The following TENM2 variants were observed in gnomAD, a reference collection of about 807,000 sequenced individuals.
TENM2 encodes the protein teneurin transmembrane protein 2, also known as teneurin-2.
In TENM2, 52 loss-of-function variants were observed where a neutral mutation model predicts 245.2. The observed-to-expected ratio is 0.21, with a 90% CI of 0.17 to 0.27. TENM2 has a LOEUF of 0.27. Among genes scored for constraint, TENM2 ranks in the 10% least tolerant of loss-of-function variants. The probability of loss-of-function intolerance (pLI) is 1.00; values close to 1 mark genes in which losing one functional copy is unlikely to be tolerated. For missense variants in TENM2, 3,046 were observed against 3,666.8 expected (o/e 0.83, Z 4.37); for synonymous variants, 1,363 against 1,438.9 (o/e 0.95, Z 1.19).
chr5:167,577,264 G>T (rs1221895022), intron 2 of TENM2, among the ~76,000 whole-genome samples: 1 of 152,192 alleles, frequency 6.6e-6, no homozygotes, highest in Admixed American at 6.5e-5. Flanking sequence ...AGAGGGGGAC[G>T]TAGGGTATTA....
chr5:167,635,886 C>T (rs1681571543), intron 2 of TENM2, among the ~76,000 whole-genome samples: 1 of 151,968 alleles, frequency 6.6e-6, no homozygotes, highest in Middle Eastern at 3.4e-3. Flanking sequence ...CCTCGTGATC[C>T]ACCCGCCTCG....
intron 12 of TENM2, 31 bp downstream of exon 14, chr5:168,126,997 G>T (rs753604146): frequency 2.6e-6 from 4 of 1,546,034 alleles, no homozygotes; most frequent in Non-Finnish European, 3.5e-6. Context: ...ATAAATTGTA[G>T]ATCTATAGTG....
chr5:167,330,124 C>T (rs187689288), intron 1 of TENM2, among the ~76,000 whole-genome samples: 1 of 152,202 alleles, frequency 6.6e-6, no homozygotes, highest in Admixed American at 6.5e-5. Context: ...AATGTTGTTT[C>T]CTTATAGTAT....
intron 2 of TENM2, among the ~76,000 whole-genome samples, chr5:167,385,223 C>A (rs1009161288): frequency 6.6e-6 from 1 of 152,100 alleles, no homozygotes; most frequent in Non-Finnish European, 1.5e-5. Flanking sequence ...AATATTATTT[C>A]TGCTTCTATA....
At chr5:167,270,759 T>C in the TENM2 span, among the ~76,000 whole-genome samples, 1 of 152,174 alleles carries the variant, frequency 6.6e-6, no homozygotes, top group African/African-American at 2.4e-5. Context: ...CCGTTTTCTC[T>C]GTCGTTTCTC....
At chr5:167,670,550 T>C (rs1463220468) in intron 2 of TENM2, among the ~76,000 whole-genome samples, 1 of 152,120 alleles carries the variant, frequency 6.6e-6, no homozygotes, top group Non-Finnish European at 1.5e-5. Flanking sequence ...GAAACAATCA[T>C]TCACAGACTT....
At chr5:168,171,084 A>G (rs971745968) in intron 13 of TENM2, among the ~76,000 whole-genome samples, 1 of 152,230 alleles carries the variant, frequency 6.6e-6, no homozygotes, top group South Asian at 2.1e-4. Flanking sequence ...GTCAAGGCAC[A>G]TTGTATCACT....
chr5:168,257,741 A>G lies in TENM2; in HGVS notation c.7433-2542A>G, dbSNP rs6877618. 9.3e-3 allele frequency among the ~76,000 whole-genome samples: 1,407 copies of G among 150,772 alleles called. 23 individuals are homozygous for G. The highest frequency in any genetic ancestry group is 0.033 in the African/African-American group (1,344 of 40,974). On this transcript the variant is annotated intron_variant, in intron 27 of 28. Coordinates refer to ENST00000518659, the Ensembl canonical transcript of TENM2. ...AGCGATTCTCCTGCCTCAGCCTCCC[A>G]GGTAGCTGGGATTACAGGCACCCGC...
chr5:168,235,350 G>T (rs1468802893), intron 25 of TENM2, among the ~76,000 whole-genome samples: 2 of 152,150 alleles, frequency 1.3e-5, no homozygotes, highest in Non-Finnish European at 2.9e-5. Context: ...AATTAGAAGG[G>T]CAAGCCTCTG....
At chr5:167,925,973 G>C (rs915412959) in intron 3 of TENM2, among the ~76,000 whole-genome samples, 1 of 152,176 alleles carries the variant, frequency 6.6e-6, no homozygotes, top group African/African-American at 2.4e-5. Flanking sequence ...GGTGGGAGGA[G>C]GGAGAGGAGC....
chr5:167,040,337 A>G, the TENM2 span, among the ~76,000 whole-genome samples: 1 of 152,160 alleles, frequency 6.6e-6, no homozygotes, highest in Admixed American at 6.5e-5. Flanking sequence ...GAAGTTAACA[A>G]TTGAGGCAGT....
chr5:166,988,538 T>C, the TENM2 span, among the ~76,000 whole-genome samples: 11 of 152,358 alleles, frequency 7.2e-5, no homozygotes, highest in East Asian at 2.1e-3. Context: ...AGAATACATC[T>C]GTGCAATTTG....
At chr5:167,666,191 C>T (rs925023614) in intron 2 of TENM2, among the ~76,000 whole-genome samples, 1 of 152,206 alleles carries the variant, frequency 6.6e-6, no homozygotes, top group Admixed American at 6.5e-5. Flanking sequence ...CCTTCCCAGG[C>T]ACACACTTAA....
intron 25 of TENM2, among the ~76,000 whole-genome samples, chr5:168,240,311 G>T (rs143356155): frequency 3.9e-5 from 6 of 152,214 alleles, no homozygotes; most frequent in Non-Finnish European, 8.8e-5. Flanking sequence ...AGCTTTAAGA[G>T]AGTGTCCCAT....
chr5:168,071,879 A>T (rs1791039138), intron 7 of TENM2, among the ~76,000 whole-genome samples: 1 of 152,206 alleles, frequency 6.6e-6, no homozygotes, highest in Non-Finnish European at 1.5e-5. Context: ...GACTTTTATT[A>T]TTCCCACTTT....
intron 12 of TENM2, among the ~76,000 whole-genome samples, chr5:168,151,939 T>G (rs1436999381): frequency 6.6e-6 from 1 of 152,200 alleles, no homozygotes; most frequent in Admixed American, 6.5e-5. Flanking sequence ...GCACAAGATT[T>G]TCAGTGCAAA....
At chr5:168,052,920 A>G (rs999294910) in intron 6 of TENM2, among the ~76,000 whole-genome samples, 1 of 152,186 alleles carries the variant, frequency 6.6e-6, no homozygotes, top group Non-Finnish European at 1.5e-5. Flanking sequence ...TTGCCCTTTC[A>G]GCAGAAACTT....
intron 25 of TENM2, among the ~76,000 whole-genome samples, chr5:168,237,104 C>T (rs942025508): frequency 2.1e-5 from 3 of 140,452 alleles, no homozygotes; most frequent in African/African-American, 8.0e-5. Context: ...CAACCTCCAC[C>T]TCCCGGGTTC....
At chr5:168,189,667 G>C (rs1760776331) in intron 13 of TENM2, among the ~76,000 whole-genome samples, 1 of 152,138 alleles carries the variant, frequency 6.6e-6, no homozygotes, top group Non-Finnish European at 1.5e-5. Context: ...TTTCCAATTG[G>C]TCAGCAGTTC....
Sources: gnomAD v4.1 joint callset for allele counts (sites outside exome capture counted in the v4.1 genomes callset) on GRCh38, gnomAD v4.1.1 for gene constraint, MANE v1.5 for transcripts, NCBI Gene and HGNC (gene_info 2026-07-23, HGNC 2026-07-21) for gene names.